The following CHST9 variants were observed in gnomAD, a reference collection of about 807,000 sequenced individuals.
The protein encoded by CHST9 is carbohydrate sulfotransferase 9.
A neutral mutation model predicts 44.4 loss-of-function variants in CHST9; 41 were observed. The ratio of observed to expected loss-of-function variants is 0.92; its 90% CI spans 0.72 to 1.20. The LOEUF is 1.20. Ranked by LOEUF, CHST9 falls within the 50% of genes most tolerant of loss-of-function variation. The pLI is 0.00. For missense variants in CHST9, 504 were observed against 516.5 expected (o/e 0.98, Z 0.23); for synonymous variants, 171 against 178.4 (o/e 0.96, Z 0.33).
intron 2 of CHST9, among the ~76,000 whole-genome samples, chr18:27,093,371 T>C (rs2058087367): frequency 1.3e-5 from 2 of 152,244 alleles, no homozygotes; most frequent in South Asian, 2.1e-4. Context: ...CTAGAGGCAG[T>C]AGGCCTTGTT....
intron 3 of CHST9, among the ~76,000 whole-genome samples, chr18:27,045,064 A>G (rs1306364622): frequency 6.6e-6 from 1 of 151,184 alleles, no homozygotes; most frequent in African/African-American, 2.4e-5. Flanking sequence ...AAAAAAAACC[A>G]TTGTTCCTCT....
chr18:27,046,678 G>C (rs1286134464), intron 3 of CHST9, among the ~76,000 whole-genome samples: 2 of 152,180 alleles, frequency 1.3e-5, no homozygotes, highest in South Asian at 2.1e-4. Context: ...TATGACTATA[G>C]TGGCAAACAG....
Position 27,162,092 on chromosome 18 carries a change from C to T in CHST9, c.-96-19187G>A, listed in dbSNP as rs1347078123. On this transcript the variant is annotated intron_variant, in intron 1 of 5. Coordinates refer to ENST00000618847, the MANE Select transcript of CHST9 (RefSeq NM_031422.6). ...GCCAGTCTGTGTCTTTCAGTTGGAG[C>T]ATTTAGCCCATTTACATTTAAGATT... is the stretch of plus-strand genomic sequence containing the variant. Among the ~76,000 whole-genome samples the T allele has an allele frequency of 2.0e-5, 3 of 152,290 alleles. No homozygotes were observed. The East Asian group carries it at 5.8e-4, about 29-fold the overall frequency.
At chr18:27,169,253 A>G (rs1220296344) in intron 1 of CHST9, among the ~76,000 whole-genome samples, 1 of 152,204 alleles carries the variant, frequency 6.6e-6, no homozygotes, top group East Asian at 1.9e-4. Context: ...CAGCAATAGA[A>G]AACTAATACA....
At chr18:26,983,122 TAAC>T (rs2056712749) in intron 4 of CHST9, among the ~76,000 whole-genome samples, 1 of 152,130 alleles carries the variant, frequency 6.6e-6, no homozygotes, top group African/African-American at 2.4e-5. Context: ...ACTGGTGGTA[TAAC>T]CAAGCATGGT....
At chr18:27,158,079 G>C (rs1461056940) in intron 1 of CHST9, among the ~76,000 whole-genome samples, 1 of 152,050 alleles carries the variant, frequency 6.6e-6, no homozygotes, top group East Asian at 1.9e-4. Context: ...TTTTACAAGA[G>C]AGACATCACA....
At chr18:27,029,760 C>T (rs1272817611) in intron 3 of CHST9, among the ~76,000 whole-genome samples, 1 of 152,132 alleles carries the variant, frequency 6.6e-6, no homozygotes, top group Non-Finnish European at 1.5e-5. Context: ...TTATTGAGTA[C>T]AGACGCAACC....
chr18:26,995,403 A>T (rs2056875309), intron 4 of CHST9, among the ~76,000 whole-genome samples: 1 of 148,148 alleles, frequency 6.8e-6, no homozygotes, highest in Non-Finnish European at 1.5e-5. Flanking sequence ...GCGCCACTAC[A>T]CTGCAACCCG....
At chr18:27,071,051 C>G (rs995634001) in intron 2 of CHST9, among the ~76,000 whole-genome samples, 1 of 152,166 alleles carries the variant, frequency 6.6e-6, no homozygotes, top group Non-Finnish European at 1.5e-5. Context: ...CAGCCTCTGC[C>G]AACTGGCGCT....
Position 27,030,434 on chromosome 18 carries a change from T to A in CHST9, c.161-6277A>T, listed in dbSNP as rs116804922. On this transcript the variant is annotated intron_variant, in intron 3 of 5. Transcript: ENST00000618847. ...TTAACATGAGTAAACAAGTAAAGAG[T>A]ATATGAGTAGATGGCTTGTTTCATG... 1.0e-2 allele frequency among the ~76,000 whole-genome samples: 1,519 copies of A among 152,068 alleles called. 24 individuals are homozygous for A. The highest frequency in any genetic ancestry group is 0.035 in the African/African-American group (1,452 of 41,480).
chr18:27,094,765 T>A (rs2058101252), intron 2 of CHST9, among the ~76,000 whole-genome samples: 1 of 152,168 alleles, frequency 6.6e-6, no homozygotes, highest in Non-Finnish European at 1.5e-5. Context: ...CAACCCCAAA[T>A]GTATAATTCA....
intron 3 of CHST9, among the ~76,000 whole-genome samples, chr18:27,024,666 G>A (rs2057264463): frequency 1.3e-5 from 2 of 152,224 alleles, no homozygotes; most frequent in Non-Finnish European, 2.9e-5. Context: ...CCCACTATTG[G>A]ATGCCTTAGT....
intron 3 of CHST9, among the ~76,000 whole-genome samples, chr18:27,040,449 T>C (rs2057432902): frequency 6.6e-6 from 1 of 152,176 alleles, no homozygotes. Flanking sequence ...AAGGGACCCC[T>C]GGTTCTGGTG....
intron 2 of CHST9, among the ~76,000 whole-genome samples, chr18:27,113,870 G>T (rs548229286): frequency 7.2e-5 from 11 of 152,218 alleles, no homozygotes; most frequent in Middle Eastern, 3.4e-3. Context: ...GTTTAATATA[G>T]CTAATGAGCT....
chr18:27,176,395 C>A (rs2058868448), intron 1 of CHST9, among the ~76,000 whole-genome samples: 1 of 151,930 alleles, frequency 6.6e-6, no homozygotes, highest in Non-Finnish European at 1.5e-5. Context: ...ATGGTGAATG[C>A]TTACACTTGT....
intron 1 of CHST9, 130 bp downstream of exon 1, chr18:27,185,006 G>T (rs1320105156): frequency 1.3e-5 from 2 of 152,402 alleles, no homozygotes; most frequent in Non-Finnish European, 2.9e-5. Context: ...CAGCGGCGAA[G>T]CACCTGGAAA....
chr18:27,095,287 G>T (rs1598720340), intron 2 of CHST9, among the ~76,000 whole-genome samples: 1 of 152,108 alleles, frequency 6.6e-6, no homozygotes, highest in African/African-American at 2.4e-5. Flanking sequence ...GCATGAAGAT[G>T]AATAGAATAA....
intron 3 of CHST9, among the ~76,000 whole-genome samples, chr18:27,026,293 C>T (rs1337347460): frequency 6.6e-6 from 1 of 152,080 alleles, no homozygotes; most frequent in Non-Finnish European, 1.5e-5. Flanking sequence ...TAGATAAATG[C>T]CGTTCTCCCC....
intron 4 of CHST9, among the ~76,000 whole-genome samples, chr18:27,014,316 T>G (rs1224905371): frequency 6.6e-6 from 1 of 151,544 alleles, no homozygotes; most frequent in Non-Finnish European, 1.5e-5. Context: ...TCTAATACAA[T>G]GAATGGAAAA....
Sources: gnomAD v4.1 joint callset for allele counts (sites outside exome capture counted in the v4.1 genomes callset) on GRCh38, gnomAD v4.1.1 for gene constraint, MANE v1.5 for transcripts, NCBI Gene and HGNC (gene_info 2026-07-23, HGNC 2026-07-21) for gene names.